CASTOR2: variants seen among roughly 807,000 people sequenced by gnomAD.
CASTOR2 encodes GATS protein like 2.
A neutral mutation model predicts 31.2 loss-of-function variants in CASTOR2; 8 were observed. That is an observed-to-expected ratio of 0.26 (90% CI 0.15 to 0.46). CASTOR2 has a LOEUF of 0.46. Ranked by LOEUF, CASTOR2 falls within the 20% of genes least tolerant of loss-of-function variation. The probability of loss-of-function intolerance (pLI) is 0.99; values close to 1 mark genes in which losing one functional copy is unlikely to be tolerated. For synonymous variants in CASTOR2, 162 were observed against 158.7 expected, an observed-to-expected ratio of 1.02 and a Z score of -0.16; for missense variants, 216 against 382.1, an observed-to-expected ratio of 0.57 and a Z score of 3.62.
At chr7:74,970,090 T>G (rs1803647338) in intron 1 of CASTOR2, among the ~76,000 whole-genome samples, 1 of 147,280 alleles carries the variant, frequency 6.8e-6, no homozygotes, top group Non-Finnish European at 1.5e-5. Context: ...TAAACGTCTG[T>G]TTGATGGATT....
At chr7:74,977,726 G>T (rs1803853947) in intron 1 of CASTOR2, among the ~76,000 whole-genome samples, 2 of 150,670 alleles carry the variant, frequency 1.3e-5, no homozygotes, top group African/African-American at 4.9e-5. Flanking sequence ...ACCCAAGCTG[G>T]AGTGCAGTGA....
intron 1 of CASTOR2, among the ~76,000 whole-genome samples, chr7:74,993,672 AACTCCTGGTCTCAAGTGATCC>A (rs1456642033): frequency 6.6e-6 from 1 of 151,444 alleles, no homozygotes; most frequent in Non-Finnish European, 1.5e-5. Flanking sequence ...GCTGGTCTCG[AACTCCTGGTCTCAAGTGATCC>A]ACCCGCCTCT....
intron 1 of CASTOR2, among the ~76,000 whole-genome samples, chr7:74,997,552 A>G (rs1228650549): frequency 3.3e-5 from 5 of 151,836 alleles, no homozygotes; most frequent in African/African-American, 4.8e-5. Context: ...CAGCCCCCCA[A>G]GTAGCTAGGA....
chr7:74,988,220 C>T (rs1804118934), intron 1 of CASTOR2, among the ~76,000 whole-genome samples: 3 of 76,520 alleles, frequency 3.9e-5, no homozygotes, highest in African/African-American at 5.9e-5. Flanking sequence ...ATCTCTGCCT[C>T]CCGGGTCAAG....
At chr7:75,003,486 C>A (rs1318397953) in intron 1 of CASTOR2, among the ~76,000 whole-genome samples, 6 of 151,096 alleles carry the variant, frequency 4.0e-5, no homozygotes, top group African/African-American at 1.5e-4. Context: ...CATGGTGGCT[C>A]ACGCCTATAA....
chr7:75,027,901 C>A lies in CASTOR2; in HGVS notation c.*3202C>A. On this transcript the variant is annotated 3_prime_UTR_variant, in exon 9 of 9. Transcript: ENST00000616305. ...GTCTGCCCTTGTCCCCCAGCTATCT[C>A]CTGGTCTGCTGGGTGGGAGGGTCTC... is the stretch of plus-strand genomic sequence containing the variant. 1 of 1,016,618 alleles carries A rather than the reference C, an allele frequency of 9.8e-7. No individual in the cohort carries two copies. Among genetic ancestry groups the A allele is most frequent in the Non-Finnish European group, 1.5e-6 (1 of 675,552 alleles). The allele number at this position is 1,016,618 out of a possible 1,614,324, so 63.0% of individuals were successfully genotyped here.
At chr7:74,971,067 C>G (rs1803667615) in intron 1 of CASTOR2, among the ~76,000 whole-genome samples, 1 of 150,874 alleles carries the variant, frequency 6.6e-6, no homozygotes. Context: ...GCAATCTCAG[C>G]TCACTGCAAC....
intron 1 of CASTOR2, among the ~76,000 whole-genome samples, chr7:74,997,899 G>A (rs1299420979): frequency 6.6e-6 from 1 of 152,108 alleles, no homozygotes; most frequent in East Asian, 1.9e-4. Context: ...TGCCTGCTGG[G>A]TAATATTCTG....
intron 4 of CASTOR2, 136 bp downstream of exon 4, chr7:75,018,258 G>A (rs1406344163): frequency 6.7e-7 from 1 of 1,482,606 alleles, no homozygotes; most frequent in African/African-American, 1.4e-5. Flanking sequence ...GGATGCAAAG[G>A]GCCCAGTGTG....
At chr7:74,990,876 A>G (rs1167225040) in intron 1 of CASTOR2, among the ~76,000 whole-genome samples, 1 of 151,988 alleles carries the variant, frequency 6.6e-6, no homozygotes, top group Non-Finnish European at 1.5e-5. Context: ...ATAAAATAAG[A>G]AATTAGTTGG....
chr7:75,019,288 G>A (rs1335133252), intron 5 of CASTOR2, among the ~76,000 whole-genome samples, 193 bp downstream of exon 5: 1 of 152,064 alleles, frequency 6.6e-6, no homozygotes, highest in Admixed American at 6.6e-5. Flanking sequence ...GGGAGACATG[G>A]ACCTGCCCCG....
intron 7 of CASTOR2, among the ~76,000 whole-genome samples, chr7:75,023,891 A>G (rs895274286): frequency 3.3e-5 from 5 of 152,186 alleles, no homozygotes; most frequent in Admixed American, 2.0e-4. Context: ...TGAGATTACA[A>G]TTGGAGGATT....
intron 1 of CASTOR2, among the ~76,000 whole-genome samples, chr7:74,980,576 A>G (rs1217223522): frequency 7.7e-6 from 1 of 129,522 alleles, no homozygotes; most frequent in African/African-American, 3.9e-5. Context: ...AATTCAATGG[A>G]TGTTTTGAGG....
rs1008616525 is a variant in CASTOR2, at chr7:75,026,632, G to A, written c.*1933G>A. Among the ~76,000 whole-genome samples, 1 of 152,072 alleles carries A rather than the reference G, an allele frequency of 6.6e-6. No individual in the cohort carries two copies. The highest frequency in any genetic ancestry group is 1.9e-4 in the East Asian group (1 of 5,184). On this transcript the variant is annotated 3_prime_UTR_variant, in exon 9 of 9. Transcript: ENST00000616305. ...GTTCTTTAAAATCCTTGTGGGTGTT[G>A]AAGGCCCACCACATTAATTAGAAAC...
chr7:74,984,230 T>C (rs1249052693), intron 1 of CASTOR2, among the ~76,000 whole-genome samples: 1 of 149,698 alleles, frequency 6.7e-6, no homozygotes, highest in Non-Finnish European at 1.5e-5. Flanking sequence ...TTGAGACTGA[T>C]AGAAGCAACT....
rs1805139276 is a variant in CASTOR2 at position 75,026,589 on chromosome 7, C to G, written c.*1890C>G. On this transcript the variant is annotated 3_prime_UTR_variant, in exon 9 of 9. Coordinates refer to ENST00000616305, the MANE Select transcript of CASTOR2 (RefSeq NM_001145064.3). Reference sequence around the variant, plus strand: ...GTGGGACCCTCTGAGCCCTGGAAGCCCACCAGAAGGAGAAGCTGTTCTTTA... The same window carrying G: ...GTGGGACCCTCTGAGCCCTGGAAGCGCACCAGAAGGAGAAGCTGTTCTTTA... 1.3e-5 allele frequency among the ~76,000 whole-genome samples: 2 copies of G among 152,134 alleles called. No homozygotes were observed. Among genetic ancestry groups the G allele is most frequent in the South Asian group, 4.1e-4 (2 of 4,820 alleles).
intron 1 of CASTOR2, among the ~76,000 whole-genome samples, chr7:75,007,462 C>T (rs1804633355): frequency 1.3e-5 from 2 of 152,120 alleles, no homozygotes; most frequent in Admixed American, 6.6e-5. Context: ...CGGATGGCTG[C>T]ATTCCTCTCT....
At chr7:75,003,655 C>A (rs1246761888) in intron 1 of CASTOR2, among the ~76,000 whole-genome samples, 4 of 151,792 alleles carry the variant, frequency 2.6e-5, no homozygotes, top group African/African-American at 9.7e-5. Context: ...GAGGCTGAGG[C>A]AGGAGAATGG....
intron 1 of CASTOR2, among the ~76,000 whole-genome samples, chr7:74,987,406 A>G (rs1414656174): frequency 7.3e-5 from 11 of 151,670 alleles, no homozygotes; most frequent in Non-Finnish European, 1.3e-4. Context: ...TCAAAAAGAA[A>G]AAAAAAAAAA....
Sources: gnomAD v4.1 joint callset for allele counts (sites outside exome capture counted in the v4.1 genomes callset) on GRCh38, gnomAD v4.1.1 for gene constraint, MANE v1.5 for transcripts, NCBI Gene and HGNC (gene_info 2026-07-23, HGNC 2026-07-21) for gene names.